PIGL: variants seen among roughly 807,000 people sequenced by gnomAD.
PIGL encodes N-acetylglucosaminyl-phosphatidylinositol de-N-acetylase.
A neutral mutation model predicts 31.1 loss-of-function variants in PIGL; 22 were observed. The ratio of observed to expected loss-of-function variants is 0.71; its 90% CI spans 0.51 to 1.01. The LOEUF (loss-of-function observed/expected upper bound fraction) is 1.01, where lower values mean the gene tolerates loss of function less well. PIGL is among the 50% of genes least tolerant of loss of function. PIGL has a pLI of 0.00. For synonymous variants in PIGL, 131 were observed against 117.4 expected, an observed-to-expected ratio of 1.12 and a Z score of -0.75; for missense variants, 302 against 315.9, an observed-to-expected ratio of 0.96 and a Z score of 0.33.
At chr17:16,279,571 C>G (rs990239028) in intron 2 of PIGL, 1 of 152,176 alleles carries the variant, frequency 6.6e-6, no homozygotes, top group Non-Finnish European at 1.5e-5. Flanking sequence ...TATTATACTT[C>G]CCAAGAGAAG....
At position 16,270,925 on chromosome 17, in the gene PIGL, G is replaced by C. The variant is rs1175785631; in HGVS notation, c.336-28963G>C. ...AAAAGAGAAAAGGAAAAGTAGTCATGATCCCTCCCTTGGACTCATTTCCAG... is the reference window on the plus strand; with the variant it reads ...AAAAGAGAAAAGGAAAAGTAGTCATCATCCCTCCCTTGGACTCATTTCCAG... On this transcript the variant is annotated intron_variant, in intron 2 of 6. Transcript: ENST00000225609. Among the ~76,000 whole-genome samples, 5 of 151,604 alleles carry C rather than the reference G, an allele frequency of 3.3e-5. No individual in the cohort carries two copies. The East Asian group carries it at 9.7e-4, about 29-fold the overall frequency.
At chr17:16,274,488 C>G (rs773359950) in intron 2 of PIGL, among the ~76,000 whole-genome samples, 1 of 152,006 alleles carries the variant, frequency 6.6e-6, no homozygotes, top group Admixed American at 6.6e-5. Context: ...TTTGGGAGGC[C>G]GAGGCGGGTG....
intron 1 of PIGL, among the ~76,000 whole-genome samples, chr17:16,224,723 C>G (rs1390702288): frequency 6.6e-6 from 1 of 152,158 alleles, no homozygotes; most frequent in Non-Finnish European, 1.5e-5. Flanking sequence ...GTGGCGCAGT[C>G]TCGGCTCACT....
At chr17:16,278,791 A>C (rs1675593189) in intron 2 of PIGL, among the ~76,000 whole-genome samples, 1 of 152,078 alleles carries the variant, frequency 6.6e-6, no homozygotes, top group East Asian at 1.9e-4. Context: ...TGCATGTAAA[A>C]CTGATTTACT....
intron 2 of PIGL, among the ~76,000 whole-genome samples, chr17:16,252,196 C>T (rs2092775654): frequency 6.6e-6 from 1 of 151,796 alleles, no homozygotes; most frequent in Non-Finnish European, 1.5e-5. Flanking sequence ...GCCTCAGCCT[C>T]CCGAGTAGGT....
At chr17:16,311,395 G>A (rs1490236447) in intron 3 of PIGL, among the ~76,000 whole-genome samples, 1 of 141,204 alleles carries the variant, frequency 7.1e-6, no homozygotes, top group Non-Finnish European at 1.5e-5. Context: ...TTGCACCACA[G>A]ACATGTTATA....
chr17:16,312,554 GGAGGCC>G (rs1434103028), intron 3 of PIGL: 4 of 160,566 alleles, frequency 2.5e-5, no homozygotes, highest in Non-Finnish European at 5.5e-5. Context: ...CGGCACTTTG[GGAGGCC>G]AAGGCAGGCG....
chr17:16,254,393 C>T (rs1300145784), intron 2 of PIGL, among the ~76,000 whole-genome samples: 2 of 151,526 alleles, frequency 1.3e-5, no homozygotes, highest in African/African-American at 4.8e-5. Context: ...CTCAGCCTCC[C>T]GAGTAGCTGG....
intron 3 of PIGL, among the ~76,000 whole-genome samples, chr17:16,311,423 C>T (rs1196904384): frequency 7.6e-6 from 1 of 131,438 alleles, no homozygotes; most frequent in Admixed American, 8.2e-5. Context: ...CAAAAAGCCA[C>T]AAACCCAATA....
Position 16,285,569 on chromosome 17 carries a change from CA to C in PIGL, c.336-14306del, listed in dbSNP as rs572923923. ...GGGCGACAGAGTGAGGCTCTGTCTC[CA>C]AAAAAAAAAAAATCCATTTTATGGT... On this transcript the variant is annotated intron_variant, in intron 2 of 6. Coordinates refer to ENST00000225609, the MANE Select transcript of PIGL (RefSeq NM_004278.4). Among the ~76,000 whole-genome samples, 438 of 136,766 alleles carry C rather than the reference CA, an allele frequency of 3.2e-3. 1 individual carries two copies. The highest frequency in any genetic ancestry group is 8.8e-3 in the African/African-American group (333 of 37,654). The allele number at this position is 136,766 out of a possible 152,430, so 89.7% of individuals were successfully genotyped here.
At chr17:16,316,250 T>C (rs2093076580) in intron 4 of PIGL, among the ~76,000 whole-genome samples, 1 of 152,164 alleles carries the variant, frequency 6.6e-6, no homozygotes, top group Non-Finnish European at 1.5e-5. Flanking sequence ...CAGAATGACC[T>C]GCACTGTCAG....
intron 3 of PIGL, 158 bp downstream of exon 3, chr17:16,300,136 T>G: frequency 1.7e-6 from 1 of 604,866 alleles, no homozygotes; most frequent in Admixed American, 2.9e-5. Flanking sequence ...CCATTAAACC[T>G]ACTGAAGAAC....
chr17:16,318,772 G>T (rs547788709), intron 6 of PIGL, among the ~76,000 whole-genome samples: 4 of 151,194 alleles, frequency 2.6e-5, no homozygotes, highest in African/African-American at 9.7e-5. Flanking sequence ...CTCTACTAAA[G>T]CTACAAAAAT....
intron 1 of PIGL, among the ~76,000 whole-genome samples, chr17:16,224,356 C>A (rs2092642395): frequency 6.6e-6 from 1 of 151,838 alleles, no homozygotes; most frequent in Non-Finnish European, 1.5e-5. Flanking sequence ...GAAGACAGAG[C>A]CTCACTGTTG....
chr17:16,320,548 A>G lies in PIGL; in HGVS notation c.660+2640A>G, dbSNP rs2093101093. ...AAAGAAAAGAAGAAGGAAGGAAGGA[A>G]GGAAGAAAGGAAGGAAGGAAGGAAA... On this transcript the variant is annotated intron_variant, in intron 6 of 6. Coordinates refer to ENST00000225609, the MANE Select transcript of PIGL (RefSeq NM_004278.4). Among the ~76,000 whole-genome samples the G allele has an allele frequency of 2.0e-5, 3 of 151,348 alleles. No homozygotes were observed. The South Asian group carries it at 6.3e-4, about 32-fold the overall frequency.
chr17:16,251,742 CTG>C (rs2092772891), intron 2 of PIGL, among the ~76,000 whole-genome samples: 1 of 151,650 alleles, frequency 6.6e-6, no homozygotes, highest in East Asian at 1.9e-4. Flanking sequence ...TAGAATGACA[CTG>C]TGCTAGATGC....
chr17:16,228,095 A>G (rs1600744301), intron 1 of PIGL, among the ~76,000 whole-genome samples: 1 of 134,376 alleles, frequency 7.4e-6, no homozygotes, highest in Non-Finnish European at 1.6e-5. Flanking sequence ...CTTGTTGCCC[A>G]CACTAGAGTG....
chr17:16,217,630 C>CACCTCT, intron 1 of PIGL, 169 bp downstream of exon 1: 3 of 540,668 alleles, frequency 5.5e-6, no homozygotes, highest in South Asian at 5.9e-5. Context: ...GGCCGGCTTA[C>CACCTCT]CTGGTGGGTT....
intron 1 of PIGL, among the ~76,000 whole-genome samples, chr17:16,220,767 C>A (rs934964956): frequency 6.6e-6 from 1 of 152,054 alleles, no homozygotes; most frequent in Admixed American, 6.6e-5. Context: ...GGATTACAGG[C>A]GTGAGCCACC....
Sources: allele counts gnomAD v4.1 joint callset (sites outside exome capture counted in the v4.1 genomes callset), GRCh38; gene constraint gnomAD v4.1.1; transcripts MANE v1.5; gene names NCBI Gene and HGNC (gene_info 2026-07-23, HGNC 2026-07-21).